Variants in HDAC9 observed in about 807,000 individuals in gnomAD.
The protein encoded by HDAC9 is histone deacetylase 9.
In HDAC9, 41 loss-of-function variants were observed where a neutral mutation model predicts 139.4. The ratio of observed to expected loss-of-function variants is 0.29; its 90% CI spans 0.23 to 0.38. HDAC9 has a LOEUF of 0.38. Among genes scored for constraint, HDAC9 ranks in the 10% least tolerant of loss-of-function variants. HDAC9 has a pLI of 1.00. For synonymous variants in HDAC9, 517 were observed against 476.2 expected, an observed-to-expected ratio of 1.09 and a Z score of -1.12; for missense variants, 1,147 against 1,297.0, an observed-to-expected ratio of 0.88 and a Z score of 1.78.
chr7:18,762,417 C>A, intron 15 of HDAC9, 140 bp downstream of exon 15: 1 of 797,134 alleles, frequency 1.3e-6, no homozygotes, highest in South Asian at 2.2e-5. Context: ...TGGAGTGAGT[C>A]ATTTGCAACA....
At chr7:18,100,311 C>T (rs990365490) in intron 1 of HDAC9, among the ~76,000 whole-genome samples, 31 of 151,820 alleles carry the variant, frequency 2.0e-4, no homozygotes, top group Non-Finnish European at 4.1e-4. Flanking sequence ...GCTTTGGGTT[C>T]ATTGAGCTTC....
intron 1 of HDAC9, among the ~76,000 whole-genome samples, chr7:18,337,621 A>G: frequency 6.6e-6 from 1 of 151,708 alleles, no homozygotes; most frequent in East Asian, 1.9e-4. Flanking sequence ...ATCATCTGGT[A>G]ACAGCGTAAG....
chr7:18,829,630 T>A (rs1795714214), intron 19 of HDAC9, 82 bp downstream of exon 19: 3 of 883,290 alleles, frequency 3.4e-6, no homozygotes, highest in Non-Finnish European at 5.4e-6. Context: ...TAGGTTGTCT[T>A]GCTTTTAGCA....
chr7:18,665,864 A>C (rs17139544), intron 11 of HDAC9, among the ~76,000 whole-genome samples: 6,809 of 152,142 alleles, frequency 0.045, 456 homozygotes, highest in African/African-American at 0.15. Flanking sequence ...TCCCAGGTTC[A>C]ACTTTCAAAA....
chr7:18,309,767 C>G (rs1185770294), intron 1 of HDAC9, among the ~76,000 whole-genome samples: 1 of 151,964 alleles, frequency 6.6e-6, no homozygotes, highest in African/African-American at 2.4e-5. Flanking sequence ...AACTAAATCA[C>G]TAGATTTTAA....
At chr7:18,812,480 ACT>A (rs1409761060) in intron 17 of HDAC9, among the ~76,000 whole-genome samples, 2 of 151,730 alleles carry the variant, frequency 1.3e-5, no homozygotes, top group Admixed American at 1.3e-4. Context: ...GTTATTTCAC[ACT>A]CTAAAGATAT....
chr7:18,829,568 G>A lies in HDAC9; in HGVS notation c.2466+20G>A, dbSNP rs1795709072. On this transcript the variant is annotated intron_variant, in intron 19 of 25. Coordinates refer to ENST00000686413, the MANE Select transcript of HDAC9 (RefSeq NM_178425.4). ...GATCTGGTATGTATTCCTGGCCAGA[G>A]CTGCATTTTCAGTGATTCTAGATAA... The A allele has an allele frequency of 6.8e-7, 1 of 1,467,230 alleles. No homozygotes were observed. Among genetic ancestry groups the A allele is most frequent in the Non-Finnish European group, 9.5e-7 (1 of 1,054,830 alleles). 90.9% of individuals were successfully genotyped at this position (1,467,230 alleles called of 1,614,324 possible). A position where few individuals can be genotyped will look rare whatever the true frequency, so the allele number is the denominator to read the frequency against.
chr7:18,618,741 T>C (rs892325313), intron 6 of HDAC9, among the ~76,000 whole-genome samples: 287 of 137,150 alleles, frequency 2.1e-3, no homozygotes, highest in African/African-American at 8.1e-3. Flanking sequence ...TATATATATA[T>C]ATATATATAT....
intron 6 of HDAC9, 107 bp downstream of exon 6, chr7:18,594,136 A>T (rs1326583474): frequency 7.1e-6 from 8 of 1,132,698 alleles, no homozygotes. Flanking sequence ...CGTAGATAAT[A>T]TACCTCCCCA....
intron 22 of HDAC9, among the ~76,000 whole-genome samples, chr7:18,920,709 G>A (rs1433073101): frequency 6.6e-6 from 1 of 152,082 alleles, no homozygotes; most frequent in East Asian, 1.9e-4. Flanking sequence ...ATGAAGCGTT[G>A]TTGAATTTTG....
At chr7:18,326,452 T>C (rs970830278) in intron 1 of HDAC9, among the ~76,000 whole-genome samples, 1 of 152,060 alleles carries the variant, frequency 6.6e-6, no homozygotes. Flanking sequence ...TTTTATGCTA[T>C]TGGAGTAGAT....
At chr7:18,746,132 A>G (rs117557558) in intron 13 of HDAC9, among the ~76,000 whole-genome samples, 4 of 152,102 alleles carry the variant, frequency 2.6e-5, no homozygotes, top group Non-Finnish European at 4.4e-5. Flanking sequence ...CAGCCTCCCA[A>G]AGTGCTAGGC....
Position 18,255,626 on chromosome 7 carries a change from C to CTTTTTTT in HDAC9, c.25+93290_25+93296dup, listed in dbSNP as rs11386457. 1.8e-5 allele frequency among the ~76,000 whole-genome samples: 2 copies of CTTTTTTT among 113,608 alleles called. 1 individual carries two copies. The allele number at this position is 113,608 out of a possible 152,430, so 74.5% of individuals were successfully genotyped here. A position where few individuals can be genotyped will look rare whatever the true frequency, so the allele number is the denominator to read the frequency against. Reference sequence around the variant, plus strand: ...ATGAGTTTTCTTTTCTTTTTCTTTCCTTTTTTTTTTTTTTTTTTTGGAGAT... The same window carrying CTTTTTTT: ...ATGAGTTTTCTTTTCTTTTTCTTTCCTTTTTTTTTTTTTTTTTTTTTTTTTTGGAGAT... On this transcript the variant is annotated intron_variant, in intron 2 of 12. Coordinates refer to the HDAC9 transcript ENST00000417496.
intron 25 of HDAC9, among the ~76,000 whole-genome samples, chr7:18,982,324 G>T (rs866629429): frequency 6.6e-6 from 1 of 151,892 alleles, no homozygotes; most frequent in South Asian, 2.1e-4. Context: ...TCATGCCTCT[G>T]CTTGAAACCC....
intron 17 of HDAC9, among the ~76,000 whole-genome samples, chr7:18,821,295 C>G (rs1794950390): frequency 6.6e-6 from 1 of 152,174 alleles, no homozygotes; most frequent in Admixed American, 6.5e-5. Context: ...CACATTTAAA[C>G]CAGAACACAG....
intron 1 of HDAC9, among the ~76,000 whole-genome samples, chr7:18,336,377 G>A (rs1781584352): frequency 6.6e-6 from 1 of 151,572 alleles, no homozygotes; most frequent in African/African-American, 2.4e-5. Flanking sequence ...TGACCCAAAT[G>A]CAGTCCACAT....
chr7:18,955,216 G>T (rs919273950), intron 24 of HDAC9, among the ~76,000 whole-genome samples: 7 of 152,058 alleles, frequency 4.6e-5, no homozygotes, highest in Admixed American at 2.6e-4. Flanking sequence ...CTAAAGTACA[G>T]GAACTGACAG....
intron 12 of HDAC9, chr7:18,667,745 G>T (rs910610965): frequency 4.1e-6 from 4 of 984,190 alleles, no homozygotes; most frequent in Non-Finnish European, 4.8e-6. Flanking sequence ...TTTTTAAAGG[G>T]CACTCTATGA....
At chr7:18,554,690 T>C (rs1324403086) in intron 2 of HDAC9, among the ~76,000 whole-genome samples, 1 of 152,110 alleles carries the variant, frequency 6.6e-6, no homozygotes, top group Admixed American at 6.5e-5. Context: ...CTCTTCTGTC[T>C]CCCTCCTTCT....
Sources: gnomAD v4.1 joint callset for allele counts (sites outside exome capture counted in the v4.1 genomes callset) on GRCh38, gnomAD v4.1.1 for gene constraint, MANE v1.5 for transcripts, NCBI Gene and HGNC (gene_info 2026-07-23, HGNC 2026-07-21) for gene names.